The following MIR2052HG variants were observed in gnomAD, a reference collection of about 807,000 sequenced individuals.
MIR2052HG encodes MIR2052 host gene.
chr8:74,603,688 G>C (rs141338756), intron 1 of MIR2052HG: 2 of 988,892 alleles, frequency 2.0e-6, no homozygotes, highest in Non-Finnish European at 1.6e-6. Flanking sequence ...AAAGATGACC[G>C]GAGAGCTGGA....
chr8:74,751,220 A>G (rs1809943883), intron 4 of MIR2052HG, among the ~76,000 whole-genome samples: 1 of 152,180 alleles, frequency 6.6e-6, no homozygotes, highest in South Asian at 2.1e-4. Context: ...AGCTCATACT[A>G]TAAACAAACG....
At chr8:74,720,044 G>A (rs923820690) in intron 4 of MIR2052HG, among the ~76,000 whole-genome samples, 1 of 151,760 alleles carries the variant, frequency 6.6e-6, no homozygotes, top group Non-Finnish European at 1.5e-5. Context: ...TAGAGACGGG[G>A]TTTCACCATG....
intron 2 of MIR2052HG, among the ~76,000 whole-genome samples, chr8:74,675,145 A>G (rs1434023486): frequency 6.6e-6 from 1 of 152,036 alleles, no homozygotes; most frequent in East Asian, 1.9e-4. Flanking sequence ...CATTGCCCTC[A>G]AAGGACTTAT....
chr8:74,641,395 T>C (rs1213475417), intron 2 of MIR2052HG, among the ~76,000 whole-genome samples: 2 of 152,180 alleles, frequency 1.3e-5, no homozygotes, highest in Non-Finnish European at 2.9e-5. Flanking sequence ...TACTTTCAAG[T>C]CATCATTGCT....
intron 2 of MIR2052HG, among the ~76,000 whole-genome samples, chr8:74,617,029 C>T (rs1023377764): frequency 3.3e-5 from 5 of 152,122 alleles, no homozygotes; most frequent in Non-Finnish European, 7.4e-5. Context: ...AAAAGTTGAT[C>T]ATACTCTACT....
At chr8:74,756,686 T>G (rs935669336) in intron 5 of MIR2052HG, 4 of 152,178 alleles carry the variant, frequency 2.6e-5, no homozygotes, top group African/African-American at 9.7e-5. Context: ...TCCAGATACC[T>G]TAAAGAAAAC....
At chr8:74,633,708 A>T (rs1266803717) in intron 2 of MIR2052HG, among the ~76,000 whole-genome samples, 1 of 152,210 alleles carries the variant, frequency 6.6e-6, no homozygotes, top group Non-Finnish European at 1.5e-5. Flanking sequence ...CTCAGCATTG[A>T]TGCTGAGTAC....
chr8:74,621,050 TA>T (rs1808354714), intron 2 of MIR2052HG, among the ~76,000 whole-genome samples: 1 of 152,228 alleles, frequency 6.6e-6, no homozygotes, highest in Non-Finnish European at 1.5e-5. Flanking sequence ...TCTCTTTGCA[TA>T]GCAAGGGTGA....
intron 4 of MIR2052HG, among the ~76,000 whole-genome samples, chr8:74,709,911 A>T (rs1264031433): frequency 1.3e-5 from 2 of 152,098 alleles, no homozygotes; most frequent in African/African-American, 4.8e-5. Context: ...AATAATGATA[A>T]TTTTTAAAAT....
At chr8:74,622,806 A>G (rs984712498) in intron 2 of MIR2052HG, among the ~76,000 whole-genome samples, 6 of 149,158 alleles carry the variant, frequency 4.0e-5, no homozygotes, top group African/African-American at 1.2e-4. Context: ...AGTACAGTAC[A>G]GTCATTATGA....
chr8:74,646,938 A>T (rs746492321), intron 2 of MIR2052HG, among the ~76,000 whole-genome samples: 1 of 152,086 alleles, frequency 6.6e-6, no homozygotes, highest in Non-Finnish European at 1.5e-5. Flanking sequence ...AAATAAATAA[A>T]TAAATAAATA....
intron 2 of MIR2052HG, among the ~76,000 whole-genome samples, chr8:74,629,062 TG>T (rs1486675683): frequency 6.6e-6 from 1 of 152,174 alleles, no homozygotes; most frequent in East Asian, 1.9e-4. Context: ...GTTCCTCTTA[TG>T]TCAGCCAGTG....
intron 1 of MIR2052HG, among the ~76,000 whole-genome samples, chr8:74,611,234 A>T (rs746424049): frequency 1.3e-5 from 2 of 152,144 alleles, no homozygotes; most frequent in Non-Finnish European, 2.9e-5. Context: ...TCAATTTTTC[A>T]TTAGGGAAAT....
chr8:74,709,948 TA>T (rs1417844373), intron 4 of MIR2052HG, among the ~76,000 whole-genome samples: 6 of 152,202 alleles, frequency 3.9e-5, no homozygotes, highest in African/African-American at 1.4e-4. Context: ...TGATAATTTT[TA>T]AAATTTCTGC....
intron 4 of MIR2052HG, among the ~76,000 whole-genome samples, chr8:74,744,417 T>C (rs1809861774): frequency 6.6e-6 from 1 of 152,064 alleles, no homozygotes; most frequent in Non-Finnish European, 1.5e-5. Context: ...GCTGGTGTGC[T>C]GCACCCACTA....
At chr8:74,734,266 G>T (rs914363786) in intron 4 of MIR2052HG, among the ~76,000 whole-genome samples, 4 of 152,168 alleles carry the variant, frequency 2.6e-5, no homozygotes, top group African/African-American at 7.2e-5. Flanking sequence ...GCAACTTCTA[G>T]GATTGTTTTG....
rs542575479 is a variant in MIR2052HG, at chr8:74,633,284, T to G, written n.216+20344T>G. On this transcript the variant is annotated intron_variant and non_coding_transcript_variant, in intron 2 of 6. Transcript: ENST00000523442. The stretch of plus-strand genomic sequence containing the variant: ...TTCCAGCGATCTTCCTACCTCAGCC[T>G]CCCAAAGTGCTGGGATTATATGTGT... 2.0e-5 allele frequency: 3 copies of G among 152,398 alleles called. No homozygotes were observed. The South Asian group carries it at 6.2e-4, about 32-fold the overall frequency. The allele number at this position is 152,398 out of a possible 1,614,324, so 9.4% of individuals were successfully genotyped here.
intron 2 of MIR2052HG, among the ~76,000 whole-genome samples, chr8:74,690,074 T>TAGG (rs1460251293): frequency 3.9e-5 from 6 of 152,214 alleles, no homozygotes; most frequent in African/African-American, 1.2e-4. Context: ...AAGGTGTAGG[T>TAGG]AGGACATTAC....
rs200519460 is a variant in MIR2052HG, at chr8:74,614,397, G to T, written n.216+1457G>T. Among the ~76,000 whole-genome samples the T allele has an allele frequency of 6.6e-5, 10 of 152,208 alleles. No homozygotes were observed. In the East Asian group the frequency reaches 1.9e-3, roughly 29 times the overall value. On this transcript the variant is annotated intron_variant and non_coding_transcript_variant, in intron 2 of 6. Transcript: ENST00000523442. ...TAAGACAGTGATTTGATTTTTGACA[G>T]TGGCTATCCTGGTCCTTGCTTTTAT...
Sources: gnomAD v4.1 joint callset for allele counts (sites outside exome capture counted in the v4.1 genomes callset) on GRCh38, gnomAD v4.1.1 for gene constraint, MANE v1.5 for transcripts, NCBI Gene and HGNC (gene_info 2026-07-23, HGNC 2026-07-21) for gene names.